Variants in RYK observed in about 807,000 individuals in gnomAD.
RYK encodes the protein receptor like tyrosine kinase, also known as inactive tyrosine-protein kinase RYK.
In RYK, 21 loss-of-function variants were observed where a neutral mutation model predicts 70.2. That is an observed-to-expected ratio of 0.30 (90% CI 0.21 to 0.43). RYK has a LOEUF of 0.43. Among genes scored for constraint, RYK ranks in the 20% least tolerant of loss-of-function variants. The probability of loss-of-function intolerance (pLI) is 1.00; values close to 1 mark genes in which losing one functional copy is unlikely to be tolerated. For synonymous variants in RYK, 267 were observed against 278.0 expected (o/e 0.96, Z 0.39); for missense variants, 604 against 753.3 (o/e 0.80, Z 2.32).
At position 134,183,065 on chromosome 3, in the gene RYK, G is replaced by T; in HGVS notation, c.1109C>A (p.Ala370Asp). ...QAFVKTVKDQ[A>D]SEIQVTMMLT... Reference sequence around the variant, plus strand: ...CATCATTGTCACCTGAATTTCAGAAGCTTGATCTATATATAAAGAAAAGAA... The same window carrying T: ...CATCATTGTCACCTGAATTTCAGAATCTTGATCTATATATAAAGAAAAGAA... Residue 370 changes from alanine to aspartate, a missense_variant, in exon 10 of 15, where the codon GCT becomes GAT. Coordinates refer to ENST00000623711, the MANE Select transcript of RYK (RefSeq NM_002958.4). 1 of 1,575,868 alleles carries T rather than the reference G, an allele frequency of 6.3e-7. No individual in the cohort carries two copies. The highest frequency in any genetic ancestry group is 1.2e-5 in the South Asian group (1 of 85,424).
intron 1 of RYK, among the ~76,000 whole-genome samples, chr3:134,229,167 G>A (rs890157172): frequency 1.3e-5 from 2 of 152,104 alleles, no homozygotes; most frequent in African/African-American, 2.4e-5. Context: ...GAAAACGTAG[G>A]ATAGAAGAGG....
At chr3:134,169,482 G>A (rs191102336) in intron 13 of RYK, among the ~76,000 whole-genome samples, 1 of 152,254 alleles carries the variant, frequency 6.6e-6, no homozygotes, top group Admixed American at 6.5e-5. Context: ...TCTTAAGAAT[G>A]CCTACAATGA....
At chr3:134,238,566 A>G (rs2015245729) in intron 1 of RYK, among the ~76,000 whole-genome samples, 1 of 152,166 alleles carries the variant, frequency 6.6e-6, no homozygotes, top group South Asian at 2.1e-4. Flanking sequence ...GAAGACATGG[A>G]AGGGAATCTC....
At chr3:134,175,498 CG>C in intron 13 of RYK, 110 bp downstream of exon 13, 2 of 1,299,476 alleles carry the variant, frequency 1.5e-6, no homozygotes, top group Non-Finnish European at 2.1e-6. Context: ...TAAAAATTTC[CG>C]GGAACAGCTA....
chr3:134,222,505 G>A lies in RYK; in HGVS notation c.267C>T (p.Asp89=). Residue 89 remains aspartate, a synonymous_variant, in exon 2 of 15, where the codon GAC becomes GAT. Coordinates refer to ENST00000623711, the MANE Select transcript of RYK (RefSeq NM_002958.4). ...LDAELYYVRN[D]LISHYALSFS... ...AGGATAGAGCGTAGTGACTAATAAG[G>A]TCATTTCTCACATAATAAAGTTCTG... 1 of 1,612,206 alleles carries A rather than the reference G, an allele frequency of 6.2e-7. No homozygotes were observed. Among genetic ancestry groups the A allele is most frequent in the Non-Finnish European group, 8.5e-7 (1 of 1,178,726 alleles).
chr3:134,191,792 G>T, intron 8 of RYK, 57 bp downstream of exon 8: 1 of 1,409,392 alleles, frequency 7.1e-7, no homozygotes, highest in Non-Finnish European at 9.6e-7. Context: ...TGAAAAAAGT[G>T]TCTATAGTGG....
intron 2 of RYK, among the ~76,000 whole-genome samples, chr3:134,219,385 G>C (rs1359027136): frequency 1.3e-5 from 2 of 152,080 alleles, no homozygotes; most frequent in Non-Finnish European, 2.9e-5. Context: ...GTTCAGTCCT[G>C]ACTGCCACTT....
chr3:134,175,226 C>T (rs1333105906), intron 13 of RYK, among the ~76,000 whole-genome samples: 1 of 152,150 alleles, frequency 6.6e-6, no homozygotes, highest in Non-Finnish European at 1.5e-5. Flanking sequence ...GCCTGTAATC[C>T]CAGCTACCTG....
chr3:134,246,502 A>G (rs556476184), intron 1 of RYK, among the ~76,000 whole-genome samples: 1 of 152,084 alleles, frequency 6.6e-6, no homozygotes, highest in Non-Finnish European at 1.5e-5. Flanking sequence ...ACAAAAACTT[A>G]TAAAACTTCA....
At chr3:134,183,167 G>T in intron 9 of RYK, 96 bp from the exon 10 acceptor site, 1 of 583,430 alleles carries the variant, frequency 1.7e-6, no homozygotes, top group Non-Finnish European at 2.7e-6. Flanking sequence ...TGAACTATAA[G>T]GTACATAGGT....
intron 1 of RYK, among the ~76,000 whole-genome samples, chr3:134,243,395 A>T (rs2015374275): frequency 6.6e-6 from 1 of 152,116 alleles, no homozygotes; most frequent in Non-Finnish European, 1.5e-5. Flanking sequence ...CCAGCATTTC[A>T]TTCTCCAAAG....
intron 1 of RYK, among the ~76,000 whole-genome samples, chr3:134,247,338 G>A (rs887014416): frequency 4.6e-5 from 7 of 152,166 alleles, no homozygotes; most frequent in African/African-American, 1.2e-4. Context: ...ACCTAGCTGA[G>A]GTAGTAGCTA....
chr3:134,236,361 T>A (rs1339520099), intron 1 of RYK, among the ~76,000 whole-genome samples: 1 of 152,028 alleles, frequency 6.6e-6, no homozygotes, highest in Non-Finnish European at 1.5e-5. Context: ...TACAATAGCA[T>A]CCAAAAGAAT....
chr3:134,191,821 A>G, intron 8 of RYK, 28 bp downstream of exon 8: 3 of 1,578,804 alleles, frequency 1.9e-6, no homozygotes, highest in Non-Finnish European at 2.6e-6. Flanking sequence ...AATCATACTT[A>G]AAAAACCGAC....
intron 13 of RYK, among the ~76,000 whole-genome samples, chr3:134,172,863 T>C (rs967474529): frequency 1.2e-4 from 19 of 152,146 alleles, no homozygotes; most frequent in African/African-American, 4.6e-4. Context: ...AGTCTGGCTT[T>C]ATTTCCCTCA....
In RYK at chr3:134,202,735, A is replaced by C; in HGVS notation, c.783T>G (p.Asp261Glu). 3.7e-6 allele frequency: 6 copies of C among 1,611,646 alleles called. No homozygotes were observed. The highest frequency in any genetic ancestry group is 5.1e-6 in the Non-Finnish European group (6 of 1,179,528). The change falls in exon 6 of 15, where the codon GAT becomes GAG. Residue 261 changes from aspartate (D) to glutamate (E), a missense_variant. Transcript: ENST00000623711. ...TCCCAAAATATGTACAATACCTGTCATCCAGTTCAATCCTTTTCATACTAT... is the reference window on the plus strand; with the variant it reads ...TCCCAAAATATGTACAATACCTGTCCTCCAGTTCAATCCTTTTCATACTAT... ...HLHSMKRIEL[D>E]DSISASSSSQ... is the part of the protein sequence containing the mutation.
rs533632429 is a variant in RYK at position 134,230,147 on chromosome 3, C to T, written c.233-7608G>A. Among the ~76,000 whole-genome samples, 3 of 152,328 alleles carry T rather than the reference C, an allele frequency of 2.0e-5. No homozygotes were observed. In the East Asian group the frequency reaches 5.8e-4, roughly 29 times the overall value. ...ACAGAGTCTCACTATGTTGCCCAGG[C>T]AGGATCTCAGCTCACTGCAACCTCT... is the stretch of plus-strand genomic sequence containing the variant. On this transcript the variant is annotated intron_variant, in intron 1 of 14. Coordinates refer to ENST00000623711, the MANE Select transcript of RYK (RefSeq NM_002958.4).
intron 1 of RYK, among the ~76,000 whole-genome samples, chr3:134,222,971 G>A (rs1201943829): frequency 6.6e-6 from 1 of 152,138 alleles, no homozygotes; most frequent in Non-Finnish European, 1.5e-5. Flanking sequence ...ATAAGCCTGA[G>A]CCAAGCCTCA....
intron 10 of RYK, among the ~76,000 whole-genome samples, chr3:134,182,029 C>T (rs2013311570): frequency 6.6e-6 from 1 of 151,986 alleles, no homozygotes; most frequent in African/African-American, 2.4e-5. Context: ...GCCAGGCGTG[C>T]CTATAGTCCC....
Sources: allele counts gnomAD v4.1 joint callset (sites outside exome capture counted in the v4.1 genomes callset), GRCh38; gene constraint gnomAD v4.1.1; transcripts MANE v1.5; gene names NCBI Gene and HGNC (gene_info 2026-07-23, HGNC 2026-07-21).